Variants in ARHGAP24 observed in about 807,000 individuals in gnomAD.
ARHGAP24 encodes rho GTPase-activating protein 24.
ARHGAP24 carries 50 observed loss-of-function variants against 76.4 expected under a neutral mutation model. The ratio of observed to expected loss-of-function variants is 0.65; its 90% confidence interval spans 0.52 to 0.83. ARHGAP24 has a LOEUF of 0.83. Among genes scored for constraint, ARHGAP24 ranks in the 40% least tolerant of loss-of-function variants. The pLI, the probability that ARHGAP24 is intolerant of heterozygous loss-of-function variation, is 0.00. For synonymous variants in ARHGAP24, 345 were observed against 323.3 expected (o/e 1.07, Z -0.72); for missense variants, 930 against 914.2 (o/e 1.02, Z -0.22).
chr4:85,987,024 G>A (rs1173978511), intron 8 of ARHGAP24, among the ~76,000 whole-genome samples: 1 of 152,014 alleles, frequency 6.6e-6, no homozygotes, highest in African/African-American at 2.4e-5. Context: ...CTGGAATGAT[G>A]GATACATGAC....
chr4:85,564,483 T>A (rs1449293107), intron 1 of ARHGAP24, among the ~76,000 whole-genome samples: 1 of 151,524 alleles, frequency 6.6e-6, no homozygotes, highest in Admixed American at 6.6e-5. Context: ...ATGGCACATG[T>A]ATACATATGT....
At chr4:85,883,870 T>A (rs1322979432) in intron 3 of ARHGAP24, among the ~76,000 whole-genome samples, 1 of 152,198 alleles carries the variant, frequency 6.6e-6, no homozygotes, top group South Asian at 2.1e-4. Context: ...TCCTTGCATG[T>A]TGACCTATAA....
At chr4:85,910,077 C>G (rs1456507285) in intron 3 of ARHGAP24, among the ~76,000 whole-genome samples, 1 of 152,202 alleles carries the variant, frequency 6.6e-6, no homozygotes, top group Non-Finnish European at 1.5e-5. Flanking sequence ...GCAACGGGAC[C>G]TGCAGCTCCA....
intron 2 of ARHGAP24, among the ~76,000 whole-genome samples, chr4:85,720,774 A>T (rs1445682470): frequency 6.6e-6 from 1 of 152,134 alleles, no homozygotes; most frequent in African/African-American, 2.4e-5. Context: ...ACAACAGAGA[A>T]ATTAGGGAAA....
At chr4:85,688,756 G>A (rs55937611) in intron 2 of ARHGAP24, among the ~76,000 whole-genome samples, 36,671 of 151,858 alleles carry the variant, frequency 0.24, 5,833 homozygotes, top group Non-Finnish European at 0.36. Context: ...TTTTTTTTAA[G>A]GTGAAAGGAA....
chr4:85,633,685 A>T (rs73833384), intron 2 of ARHGAP24, among the ~76,000 whole-genome samples: 7,973 of 151,880 alleles, frequency 0.052, 678 homozygotes, highest in African/African-American at 0.18. Context: ...TCAGTTTGAG[A>T]TTAAGACTTT....
chr4:85,921,069 C>T (rs974119350), intron 3 of ARHGAP24, among the ~76,000 whole-genome samples: 1 of 152,154 alleles, frequency 6.6e-6, no homozygotes, highest in Non-Finnish European at 1.5e-5. Flanking sequence ...TATAAAGATA[C>T]ATGCACACAT....
intron 4 of ARHGAP24, among the ~76,000 whole-genome samples, chr4:85,941,213 A>G (rs1736928711): frequency 6.6e-6 from 1 of 152,172 alleles, no homozygotes; most frequent in Admixed American, 6.5e-5. Context: ...AATATATTTC[A>G]AAAGTATTAT....
intron 3 of ARHGAP24, among the ~76,000 whole-genome samples, chr4:85,849,933 A>T (rs577158531): frequency 6.6e-6 from 1 of 151,892 alleles, no homozygotes; most frequent in East Asian, 1.9e-4. Context: ...TCTCTGCCAG[A>T]CTTTGGTATC....
chr4:85,676,380 TC>T (rs1234453334), intron 2 of ARHGAP24, among the ~76,000 whole-genome samples: 6 of 152,126 alleles, frequency 3.9e-5, no homozygotes. Flanking sequence ...TTTTGCAAAA[TC>T]CTCTAAATGG....
intron 4 of ARHGAP24, among the ~76,000 whole-genome samples, chr4:85,939,684 C>T (rs1179403238): frequency 6.6e-6 from 1 of 152,030 alleles, no homozygotes; most frequent in African/African-American, 2.4e-5. Flanking sequence ...CTTTCTTCAT[C>T]GCTTCCTTGG....
chr4:85,577,771 A>G (rs1024954814), intron 2 of ARHGAP24, among the ~76,000 whole-genome samples: 7 of 152,160 alleles, frequency 4.6e-5, no homozygotes, highest in African/African-American at 1.7e-4. Context: ...GTTCAGGGAG[A>G]GCTTCTCAAA....
At chr4:85,706,311 C>T (rs1048068785) in intron 2 of ARHGAP24, among the ~76,000 whole-genome samples, 15 of 152,024 alleles carry the variant, frequency 9.9e-5, no homozygotes, top group Non-Finnish European at 1.8e-4. Context: ...ATACATTTTG[C>T]TTATTAAATA....
intron 8 of ARHGAP24, among the ~76,000 whole-genome samples, chr4:85,993,080 C>T (rs879069367): frequency 6.6e-6 from 1 of 152,026 alleles, no homozygotes; most frequent in Non-Finnish European, 1.5e-5. Context: ...TCCTCTCTTT[C>T]GGACTTTCAA....
At chr4:85,807,276 C>G (rs915333850) in intron 3 of ARHGAP24, among the ~76,000 whole-genome samples, 2 of 146,040 alleles carry the variant, frequency 1.4e-5, no homozygotes, top group Non-Finnish European at 3.0e-5. Flanking sequence ...CCACCCCCAA[C>G]AGACCCCAGT....
chr4:85,783,206 TTTG>T (rs1234516919), intron 3 of ARHGAP24, among the ~76,000 whole-genome samples: 1 of 152,170 alleles, frequency 6.6e-6, no homozygotes, highest in Non-Finnish European at 1.5e-5. Context: ...CTTTTTTGGT[TTTG>T]TTTCTTTTGC....
chr4:85,895,306 A>G (rs1187300340), intron 3 of ARHGAP24, among the ~76,000 whole-genome samples: 1 of 152,222 alleles, frequency 6.6e-6, no homozygotes, highest in Non-Finnish European at 1.5e-5. Flanking sequence ...GTAGCTCACC[A>G]TCGGAAGTTT....
At chr4:85,652,026 GA>G (rs1721965137) in intron 2 of ARHGAP24, among the ~76,000 whole-genome samples, 1 of 152,070 alleles carries the variant, frequency 6.6e-6, no homozygotes, top group African/African-American at 2.4e-5. Context: ...AAATAGTGAT[GA>G]AAATGGTCTA....
At chr4:85,837,380 A>C (rs957347019) in intron 3 of ARHGAP24, among the ~76,000 whole-genome samples, 5 of 152,110 alleles carry the variant, frequency 3.3e-5, no homozygotes, top group Non-Finnish European at 5.9e-5. Flanking sequence ...ATCATTCTTT[A>C]AGTGATTGAA....
Sources: gnomAD v4.1 joint callset for allele counts (sites outside exome capture counted in the v4.1 genomes callset) on GRCh38, gnomAD v4.1.1 for gene constraint, MANE v1.5 for transcripts, NCBI Gene and HGNC (gene_info 2026-07-23, HGNC 2026-07-21) for gene names.